The following ADAM29 variants were observed in gnomAD, a reference collection of about 807,000 sequenced individuals.
ADAM29 encodes ADAM metallopeptidase domain 29.
For synonymous variants in ADAM29, 367 were observed against 342.3 expected, an observed-to-expected ratio of 1.07 and a Z score of -0.80; for missense variants, 969 against 1,001.8, an observed-to-expected ratio of 0.97 and a Z score of 0.44.
Position 174,976,890 on chromosome 4 carries a change from T to G in ADAM29, c.1365T>G (p.Cys455Trp). The part of the protein sequence containing the change: ...DCKFLPSGKV[C>W]RKEVNECDLP... ...AGTTCCTACCATCAGGGAAAGTGTG[T>G]AGAAAGGAGGTCAATGAATGTGATC... Residue 455 changes from cysteine to tryptophan, a missense_variant, in exon 5 of 5, where the codon TGT (cysteine) becomes TGG (tryptophan). Cys to Trp is a radical substitution (Grantham distance 215, BLOSUM62 -2). Transcript: ENST00000359240. 1 of 1,614,158 alleles carries G rather than the reference T, an allele frequency of 6.2e-7. No individual in the cohort carries two copies. Among genetic ancestry groups the G allele is most frequent in the Non-Finnish European group, 8.5e-7 (1 of 1,180,034 alleles).
rs772017928 is a variant in ADAM29 at position 174,976,768 on chromosome 4, C to A, written c.1243C>A (p.Pro415Thr). 27 of 1,613,970 alleles carry A rather than the reference C, an allele frequency of 1.7e-5. No individual in the cohort carries two copies. The South Asian group carries it at 3.0e-4, about 18-fold the overall frequency. The change falls in exon 5 of 5, where the codon CCT becomes ACT. Residue 415 changes from proline (P) to threonine (T), a missense_variant. Transcript: ENST00000359240. ...VEEGEECDCG[P>T]LKHCAKDPCC... ...AGAAGGAGAAGAGTGTGACTGTGGA[C>A]CTTTAAAGCATTGTGCAAAAGATCC...
At chr4:174,963,439 T>G (rs1342402483) in intron 4 of ADAM29, among the ~76,000 whole-genome samples, 1 of 152,154 alleles carries the variant, frequency 6.6e-6, no homozygotes, top group Non-Finnish European at 1.5e-5. Context: ...CTGTGTCCTC[T>G]GTTCAGAGAT....
At chr4:174,963,065 T>A (rs1414140562) in intron 4 of ADAM29, among the ~76,000 whole-genome samples, 5 of 152,126 alleles carry the variant, frequency 3.3e-5, no homozygotes, top group Non-Finnish European at 7.4e-5. Flanking sequence ...TATGAGGTAG[T>A]CTCATTAAAA....
At chr4:174,943,794 G>A (rs778495084) in intron 4 of ADAM29, among the ~76,000 whole-genome samples, 2 of 137,908 alleles carry the variant, frequency 1.5e-5, no homozygotes, top group Non-Finnish European at 3.1e-5. Flanking sequence ...CTTGTAGCAT[G>A]AGCCTTACCA....
chr4:174,927,352 C>A (rs563133388), intron 2 of ADAM29, among the ~76,000 whole-genome samples: 1 of 152,220 alleles, frequency 6.6e-6, no homozygotes, highest in East Asian at 1.9e-4. Flanking sequence ...GCATTACTTT[C>A]AATGGTAAAA....
intron 4 of ADAM29, among the ~76,000 whole-genome samples, chr4:174,971,880 A>G (rs2111103152): frequency 6.6e-6 from 1 of 151,764 alleles, no homozygotes; most frequent in East Asian, 1.9e-4. Context: ...AGTTTTCTCC[A>G]CTCATTTTTG....
chr4:174,943,511 C>G (rs1405699263), intron 4 of ADAM29, among the ~76,000 whole-genome samples: 2 of 152,102 alleles, frequency 1.3e-5, no homozygotes, highest in African/African-American at 2.4e-5. Context: ...TATATAGCAG[C>G]AGGAAAGAGA....
At chr4:174,932,148 G>T (rs1193779045) in intron 3 of ADAM29, among the ~76,000 whole-genome samples, 1 of 152,026 alleles carries the variant, frequency 6.6e-6, no homozygotes, top group Non-Finnish European at 1.5e-5. Flanking sequence ...TTAGCTAGGT[G>T]TGGTGGCACA....
chr4:174,947,151 C>T (rs1744900735), intron 4 of ADAM29, among the ~76,000 whole-genome samples: 1 of 151,870 alleles, frequency 6.6e-6, no homozygotes, highest in Non-Finnish European at 1.5e-5. Context: ...TTTTATTAGT[C>T]TATCTAGCAG....
chr4:174,964,997 A>G (rs1401546076), intron 4 of ADAM29, among the ~76,000 whole-genome samples: 1 of 152,196 alleles, frequency 6.6e-6, no homozygotes, highest in East Asian at 1.9e-4. Flanking sequence ...AGCCAGCTCC[A>G]GCAATTATTA....
At chr4:174,923,560 T>TATATATATGG (rs70947473) in intron 2 of ADAM29, among the ~76,000 whole-genome samples, 36 of 115,910 alleles carry the variant, frequency 3.1e-4, no homozygotes, top group Middle Eastern at 5.5e-3. Flanking sequence ...TATATATATA[T>TATATATATGG]ACACACACAC....
intron 4 of ADAM29, among the ~76,000 whole-genome samples, chr4:174,943,816 GA>G (rs11322609): frequency 0.56 from 41,705 of 74,336 alleles, 7,331 homozygotes; most frequent in African/African-American, 0.65. Context: ...AAATGTACAG[GA>G]AAAAAAAAAA....
intron 4 of ADAM29, among the ~76,000 whole-genome samples, chr4:174,960,581 T>G (rs1362181997): frequency 3.9e-5 from 6 of 152,156 alleles, no homozygotes; most frequent in Non-Finnish European, 7.4e-5. Context: ...CTAAGAATAT[T>G]TACATCTTTA....
intron 4 of ADAM29, among the ~76,000 whole-genome samples, chr4:174,964,181 T>G (rs1746021743): frequency 6.6e-6 from 1 of 151,990 alleles, no homozygotes; most frequent in South Asian, 2.1e-4. Context: ...AAAGAGGTGA[T>G]TAAGATTAAC....
rs548675950 is a variant in ADAM29 at position 174,935,543 on chromosome 4, G to A, written c.-261-1390G>A. Among the ~76,000 whole-genome samples, 88 of 151,918 alleles carry A rather than the reference G, an allele frequency of 5.8e-4. 2 individuals carry two copies. In the South Asian group the frequency reaches 0.017, roughly 30 times the overall value. ...GCTTGTTTATTTTGTTTTTTGTTTTGCCTTTTTCTGCTTTCTGATACAGTT... is the reference window on the plus strand; with the variant it reads ...GCTTGTTTATTTTGTTTTTTGTTTTACCTTTTTCTGCTTTCTGATACAGTT... On this transcript the variant is annotated intron_variant, in intron 3 of 4. Transcript: ENST00000359240.
At chr4:174,948,839 G>T (rs944604752) in intron 4 of ADAM29, among the ~76,000 whole-genome samples, 1 of 152,130 alleles carries the variant, frequency 6.6e-6, no homozygotes. Flanking sequence ...TGGCACTGTG[G>T]GGGTGAGTTT....
intron 4 of ADAM29, among the ~76,000 whole-genome samples, chr4:174,942,555 C>G (rs181924777): frequency 5.9e-5 from 9 of 151,620 alleles, no homozygotes; most frequent in Non-Finnish European, 4.4e-5. Context: ...CCCCTTTTAG[C>G]CACAGCTGGA....
chr4:174,964,600 A>G (rs1746046324), intron 4 of ADAM29, among the ~76,000 whole-genome samples: 1 of 152,122 alleles, frequency 6.6e-6, no homozygotes, highest in Admixed American at 6.5e-5. Flanking sequence ...TTTACTAAAA[A>G]TATTTTACTA....
At chr4:174,926,152 C>T (rs1280570640) in intron 2 of ADAM29, among the ~76,000 whole-genome samples, 2 of 152,114 alleles carry the variant, frequency 1.3e-5, no homozygotes, top group Non-Finnish European at 2.9e-5. Flanking sequence ...ATGGTAGTCA[C>T]TGCCCTAAAT....
Sources: allele counts gnomAD v4.1 joint callset (sites outside exome capture counted in the v4.1 genomes callset), GRCh38; gene constraint gnomAD v4.1.1; transcripts MANE v1.5; gene names NCBI Gene and HGNC (gene_info 2026-07-23, HGNC 2026-07-21).